Variants in UBE2E2 observed in about 807,000 individuals in gnomAD.
UBE2E2 encodes the protein ubiquitin conjugating enzyme E2 E2.
Under a neutral mutation model 24.7 loss-of-function variants are expected in UBE2E2, and 6 were observed. The ratio of observed to expected loss-of-function variants is 0.24; its 90% confidence interval spans 0.13 to 0.48. The LOEUF (loss-of-function observed/expected upper bound fraction) is 0.48, where lower values mean the gene tolerates loss of function less well. Among genes scored for constraint, UBE2E2 ranks in the 20% least tolerant of loss-of-function variants. The pLI is 0.99. For synonymous variants in UBE2E2, 104 were observed against 83.6 expected (o/e 1.24, Z -1.33); for missense variants, 169 against 245.0 (o/e 0.69, Z 2.07).
At chr3:23,532,514 C>A in intron 4 of UBE2E2, 40 bp from the exon 5 acceptor site, 1 of 1,473,190 alleles carries the variant, frequency 6.8e-7, no homozygotes, top group Non-Finnish European at 9.2e-7. Context: ...TGTTAATAAA[C>A]ACTTTGTCTA....
At chr3:23,558,836 G>C (rs1028513142) in intron 5 of UBE2E2, among the ~76,000 whole-genome samples, 6 of 152,058 alleles carry the variant, frequency 3.9e-5, no homozygotes, top group African/African-American at 1.4e-4. Context: ...GAGGCAAGAG[G>C]GTCCCTTGAG....
chr3:23,410,048 G>T (rs1158721293), intron 3 of UBE2E2, among the ~76,000 whole-genome samples: 1 of 152,124 alleles, frequency 6.6e-6, no homozygotes, highest in Admixed American at 6.6e-5. Flanking sequence ...AGTTCTGGGG[G>T]TTAAGACTTG....
chr3:23,251,543 G>C (rs1416454149), intron 3 of UBE2E2, among the ~76,000 whole-genome samples: 2 of 152,142 alleles, frequency 1.3e-5, no homozygotes, highest in African/African-American at 4.8e-5. Flanking sequence ...TTGTCGACAT[G>C]TTCATGCAAC....
intron 3 of UBE2E2, among the ~76,000 whole-genome samples, chr3:23,412,553 G>A (rs561873308): frequency 2.0e-5 from 3 of 152,226 alleles, no homozygotes; most frequent in East Asian, 1.9e-4. Context: ...ATTCAAACAG[G>A]TTGGAATGCC....
At chr3:23,346,317 TA>T (rs1695554729) in intron 3 of UBE2E2, among the ~76,000 whole-genome samples, 2 of 152,360 alleles carry the variant, frequency 1.3e-5, no homozygotes, top group Admixed American at 1.3e-4. Context: ...TCCTAGATAG[TA>T]AAAGATTAGT....
At chr3:23,572,464 G>C (rs1236562317) in intron 5 of UBE2E2, among the ~76,000 whole-genome samples, 2 of 152,152 alleles carry the variant, frequency 1.3e-5, no homozygotes, top group Non-Finnish European at 2.9e-5. Flanking sequence ...TTGGGGTTCT[G>C]TTGATCGTGT....
chr3:23,275,907 T>C (rs1362044634), intron 3 of UBE2E2, among the ~76,000 whole-genome samples: 2 of 152,144 alleles, frequency 1.3e-5, no homozygotes, highest in Non-Finnish European at 2.9e-5. Context: ...TTTGAGCTTC[T>C]CTCTATCATG....
At chr3:23,483,165 A>T (rs144188834) in intron 3 of UBE2E2, among the ~76,000 whole-genome samples, 81 of 152,300 alleles carry the variant, frequency 5.3e-4, no homozygotes, top group African/African-American at 1.9e-3. Context: ...CCTTGCTGTC[A>T]GAGTGTTGCA....
Position 23,584,000 on chromosome 3 carries a change from CA to C in UBE2E2, c.509-5730del, listed in dbSNP as rs1350729938. Among the ~76,000 whole-genome samples, 2 of 152,092 alleles carry C rather than the reference CA, an allele frequency of 1.3e-5. No homozygotes were observed. The highest frequency in any genetic ancestry group is 2.9e-5 in the Non-Finnish European group (2 of 68,010). On this transcript the variant is annotated intron_variant, in intron 5 of 5. Coordinates refer to ENST00000396703, the MANE Select transcript of UBE2E2 (RefSeq NM_152653.4). This position sits in a 1 kb window ranked among gnomAD's most constrained non-coding sequence, Gnocchi z 4.1. ...GGCATCCTTGATTTGTTCTGGATTT[CA>C]AAAGGGGTATGCTTCTAATGTTTGC...
intron 3 of UBE2E2, among the ~76,000 whole-genome samples, chr3:23,378,971 CA>C (rs1407179507): frequency 6.6e-6 from 1 of 152,168 alleles, no homozygotes; most frequent in Non-Finnish European, 1.5e-5. Flanking sequence ...GATTTGCTGA[CA>C]TTTGTGCAAC....
chr3:23,236,050 C>T (rs1312446193), intron 3 of UBE2E2, among the ~76,000 whole-genome samples: 1 of 151,974 alleles, frequency 6.6e-6, no homozygotes, highest in Non-Finnish European at 1.5e-5. Context: ...ACCAAGCCCT[C>T]GTAACATTCA....
intron 3 of UBE2E2, among the ~76,000 whole-genome samples, chr3:23,469,549 A>T (rs1289752107): frequency 6.6e-6 from 1 of 152,192 alleles, no homozygotes. Flanking sequence ...CATTTTGCCC[A>T]GTAAGAACCT....
At chr3:23,441,133 T>G (rs1575631374) in intron 3 of UBE2E2, among the ~76,000 whole-genome samples, 1 of 152,078 alleles carries the variant, frequency 6.6e-6, no homozygotes, top group Non-Finnish European at 1.5e-5. Flanking sequence ...GTTGTGTCAC[T>G]TGGGTATTCT....
chr3:23,499,567 T>C, intron 3 of UBE2E2, 41 bp from the exon 4 acceptor site: 6 of 1,580,282 alleles, frequency 3.8e-6, no homozygotes, highest in Non-Finnish European at 4.3e-6. Flanking sequence ...CCAGCCTTTA[T>C]GTAATTTCTA....
intron 5 of UBE2E2, among the ~76,000 whole-genome samples, chr3:23,561,588 G>T (rs1314300705): frequency 6.6e-6 from 1 of 151,616 alleles, no homozygotes; most frequent in Non-Finnish European, 1.5e-5. Flanking sequence ...CTTTAAAGTA[G>T]TTTTTTCCAA....
intron 3 of UBE2E2, among the ~76,000 whole-genome samples, chr3:23,475,084 C>A (rs1472965680): frequency 6.6e-6 from 1 of 152,036 alleles, no homozygotes; most frequent in Non-Finnish European, 1.5e-5. Context: ...AGTGCTCCTT[C>A]TCTCAGCTTC....
chr3:23,361,859 C>T (rs1471330230), intron 3 of UBE2E2, among the ~76,000 whole-genome samples: 1 of 152,156 alleles, frequency 6.6e-6, no homozygotes, highest in East Asian at 1.9e-4. Context: ...ATTGGATATT[C>T]TTTAGCCATA....
At chr3:23,353,177 A>G (rs7374592) in intron 3 of UBE2E2, among the ~76,000 whole-genome samples, 82,379 of 151,568 alleles carry the variant, frequency 0.54, 22,554 homozygotes, top group Admixed American at 0.65. Flanking sequence ...CTTTGACAAA[A>G]TTCAACAACA....
intron 3 of UBE2E2, among the ~76,000 whole-genome samples, chr3:23,373,427 G>C (rs1320267180): frequency 6.6e-6 from 1 of 152,028 alleles, no homozygotes; most frequent in Non-Finnish European, 1.5e-5. Context: ...TCCTCTCCTG[G>C]TCTGTAGTTC....
Sources: allele counts gnomAD v4.1 joint callset (sites outside exome capture counted in the v4.1 genomes callset), GRCh38; gene constraint gnomAD v4.1.1; non-coding constraint Gnocchi (gnomAD v3.1); transcripts MANE v1.5; gene names NCBI Gene and HGNC (gene_info 2026-07-23, HGNC 2026-07-21).